CYRIB: variants seen among roughly 807,000 people sequenced by gnomAD.
CYRIB encodes the protein CYFIP related Rac1 interactor B.
CYRIB carries 8 observed loss-of-function variants against 44.2 expected under a neutral mutation model. That is an observed-to-expected ratio of 0.18 (90% confidence interval 0.11 to 0.33). CYRIB has a LOEUF of 0.33. CYRIB is among the 10% of genes least tolerant of loss of function. CYRIB has a pLI of 1.00. For synonymous variants in CYRIB, 131 were observed against 127.2 expected, an observed-to-expected ratio of 1.03 and a Z score of -0.20; for missense variants, 185 against 382.8, an observed-to-expected ratio of 0.48 and a Z score of 4.31.
At chr8:129,987,153 T>C (rs1229375786) in intron 1 of CYRIB, among the ~76,000 whole-genome samples, 1 of 152,202 alleles carries the variant, frequency 6.6e-6, no homozygotes, top group East Asian at 1.9e-4. Context: ...AAGGAGAGAC[T>C]GCTTGAGAAA....
chr8:130,004,092 A>T (rs2096973318), intron 1 of CYRIB, among the ~76,000 whole-genome samples: 1 of 152,202 alleles, frequency 6.6e-6, no homozygotes, highest in African/African-American at 2.4e-5. Context: ...CTCTCACAGC[A>T]GACAACTAGA....
intron 1 of CYRIB, among the ~76,000 whole-genome samples, chr8:129,992,246 A>C (rs892254051): frequency 2.8e-4 from 43 of 152,110 alleles, no homozygotes; most frequent in African/African-American, 1.0e-3. Flanking sequence ...GCTTGAGCTC[A>C]GGCGGTCAAG....
intron 2 of CYRIB, among the ~76,000 whole-genome samples, chr8:129,955,571 C>A (rs1205342923): frequency 6.6e-6 from 1 of 152,160 alleles, no homozygotes; most frequent in African/African-American, 2.4e-5. Context: ...CCTCATTTTA[C>A]CTTATGGTAA....
chr8:129,980,818 C>A (rs2096202815), intron 1 of CYRIB, among the ~76,000 whole-genome samples: 1 of 150,918 alleles, frequency 6.6e-6, no homozygotes, highest in Non-Finnish European at 1.5e-5. Context: ...CCCATCTCCA[C>A]CAAAAATACA....
At chr8:129,962,121 C>G (rs2089229501) in intron 2 of CYRIB, among the ~76,000 whole-genome samples, 1 of 151,930 alleles carries the variant, frequency 6.6e-6, no homozygotes, top group African/African-American at 2.4e-5. Context: ...GTGCTGCTTG[C>G]CTGTGGTCCC....
chr8:130,010,507 C>A (rs527241367), intron 1 of CYRIB, among the ~76,000 whole-genome samples: 1 of 152,286 alleles, frequency 6.6e-6, no homozygotes, highest in Admixed American at 6.5e-5. Context: ...TCTGCTCAGT[C>A]CTTCAGCTCA....
chr8:129,939,420 C>G (rs1273593292), intron 1 of CYRIB, among the ~76,000 whole-genome samples: 4 of 147,968 alleles, frequency 2.7e-5, no homozygotes, highest in African/African-American at 5.0e-5. Context: ...GCCGGGGCCG[C>G]GGGGCCACAG....
At chr8:129,970,457 TC>T (rs1446420813) in intron 2 of CYRIB, 2 of 151,174 alleles carry the variant, frequency 1.3e-5, no homozygotes, top group African/African-American at 4.9e-5. Flanking sequence ...TCTTGCTCTG[TC>T]ACTCAGGCTG....
At chr8:129,972,590 G>T (rs759803186) in intron 1 of CYRIB, among the ~76,000 whole-genome samples, 1 of 151,904 alleles carries the variant, frequency 6.6e-6, no homozygotes, top group Non-Finnish European at 1.5e-5. Flanking sequence ...ATAAAAAAAA[G>T]AACCATCTAA....
At chr8:130,002,688 T>C (rs2096934769) in intron 1 of CYRIB, among the ~76,000 whole-genome samples, 1 of 152,248 alleles carries the variant, frequency 6.6e-6, no homozygotes, top group African/African-American at 2.4e-5. Context: ...ACAGCCTCCA[T>C]GGCCCTGACT....
intron 1 of CYRIB, among the ~76,000 whole-genome samples, chr8:129,991,710 G>T (rs937422514): frequency 6.6e-6 from 1 of 152,016 alleles, no homozygotes; most frequent in African/African-American, 2.4e-5. Context: ...AGCACTTTGG[G>T]AGGCCGAGGC....
intron 2 of CYRIB, among the ~76,000 whole-genome samples, chr8:129,947,121 G>A (rs947926049): frequency 2.6e-5 from 4 of 151,760 alleles, no homozygotes; most frequent in Non-Finnish European, 5.9e-5. Flanking sequence ...GCAGTGGTGC[G>A]ATCTCGGCTC....
At chr8:129,910,477 C>CTTT (rs1171288097) in intron 1 of CYRIB, among the ~76,000 whole-genome samples, 14 of 110,654 alleles carry the variant, frequency 1.3e-4, no homozygotes, top group African/African-American at 3.4e-4. Context: ...CCTTCTTTCA[C>CTTT]TTTTTTTTTT....
chr8:129,887,511 T>C (rs539852654), intron 2 of CYRIB, among the ~76,000 whole-genome samples: 1 of 152,096 alleles, frequency 6.6e-6, no homozygotes, highest in Non-Finnish European at 1.5e-5. Context: ...CTGCCTAACA[T>C]AGCTGCGAGA....
chr8:129,876,884 T>A (rs1359829709), intron 3 of CYRIB, among the ~76,000 whole-genome samples: 1 of 152,238 alleles, frequency 6.6e-6, no homozygotes, highest in Non-Finnish European at 1.5e-5. Flanking sequence ...AATGTAGTAC[T>A]AATTACTCTA....
chr8:129,994,922 C>T (rs1351718102), intron 1 of CYRIB, among the ~76,000 whole-genome samples: 1 of 152,264 alleles, frequency 6.6e-6, no homozygotes, highest in African/African-American at 2.4e-5. Context: ...CCTGCCCCTG[C>T]ATCTGTGCAG....
At chr8:129,845,991 A>C (rs1318152234) in intron 11 of CYRIB, among the ~76,000 whole-genome samples, 1 of 152,100 alleles carries the variant, frequency 6.6e-6, no homozygotes, top group African/African-American at 2.4e-5. Flanking sequence ...TAAAAATACA[A>C]AATACAGGCA....
rs1447807314 is a variant in CYRIB at position 129,975,913 on chromosome 8, C to T, written c.-295-4918G>A. Reference sequence around the variant, plus strand: ...AGCACCATATTGCTCCAAAGCTCCCCAGGTGATTTTCATGTGCAGCTGGGA... The same window carrying T: ...AGCACCATATTGCTCCAAAGCTCCCTAGGTGATTTTCATGTGCAGCTGGGA... On this transcript the variant is annotated intron_variant, in intron 1 of 14. Transcript: ENST00000401979. Among the ~76,000 whole-genome samples the T allele has an allele frequency of 3.9e-5, 6 of 152,120 alleles. 1 individual carries two copies. The highest frequency in any genetic ancestry group is 3.9e-4 in the Admixed American group (6 of 15,270).
rs1491115660 is a variant in CYRIB, at chr8:129,957,981, A to AAAAAAAT, written c.-243+12961_-243+12962insATTTTTT. On this transcript the variant is annotated intron_variant, in intron 2 of 14. Transcript: ENST00000401979. ...CTCCATCTCAAAAAAAAAAAAAAAAATACAAAAAATACAAAAAATTAGCCA... is the reference window on the plus strand; with the variant it reads ...CTCCATCTCAAAAAAAAAAAAAAAAAAAAAAATTACAAAAAATACAAAAAATTAGCCA... Among the ~76,000 whole-genome samples the AAAAAAAT allele has an allele frequency of 1.4e-4, 21 of 149,830 alleles. 1 individual carries two copies. The highest frequency in any genetic ancestry group is 5.9e-5 in the Non-Finnish European group (4 of 67,438).
Sources: gnomAD v4.1 joint callset for allele counts (sites outside exome capture counted in the v4.1 genomes callset) on GRCh38, gnomAD v4.1.1 for gene constraint, MANE v1.5 for transcripts, NCBI Gene and HGNC (gene_info 2026-07-23, HGNC 2026-07-21) for gene names.